Variants in FGGY observed in about 807,000 individuals in gnomAD.
FGGY encodes the protein FGGY carbohydrate kinase domain-containing protein.
In FGGY, 72 loss-of-function variants were observed where a neutral mutation model predicts 71.3. The observed-to-expected ratio is 1.01, with a 90% CI of 0.84 to 1.23. The LOEUF (loss-of-function observed/expected upper bound fraction) is 1.23, where lower values mean the gene tolerates loss of function less well. Among genes scored for constraint, FGGY ranks in the 50% most tolerant of loss-of-function variants. The pLI, the probability that FGGY is intolerant of heterozygous loss-of-function variation, is 0.00. For missense variants in FGGY, 668 were observed against 682.3 expected, an observed-to-expected ratio of 0.98 and a Z score of 0.23; for synonymous variants, 251 against 250.3, an observed-to-expected ratio of 1.00 and a Z score of -0.02.
rs576130435 is a variant in FGGY, at chr1:59,425,423, T to C, written c.555-31538T>C. Among the ~76,000 whole-genome samples the C allele has an allele frequency of 5.8e-4, 89 of 152,274 alleles. 1 individual carries two copies. The highest frequency in any genetic ancestry group is 2.0e-3 in the African/African-American group (84 of 41,556). ...ATATTTGCCCCCAAATTGTCTGATA[T>C]ATAGATCTCGCCCTTCCCATTACAC... On this transcript the variant is annotated intron_variant, in intron 5 of 15. Transcript: ENST00000303721.
In FGGY at chr1:59,762,672, A is replaced by G; in HGVS notation, c.*88A>G. 3 of 934,414 alleles carry G rather than the reference A, an allele frequency of 3.2e-6. No individual in the cohort carries two copies. The highest frequency in any genetic ancestry group is 1.7e-5 in the African/African-American group (1 of 60,464). 57.9% of individuals were successfully genotyped at this position (934,414 alleles called of 1,614,324 possible). ...GATCCATGTTCAAGACCCTTGAGGT[A>G]TTGTTTCATCATTTCTGTATTGTCT... On this transcript the variant is annotated 3_prime_UTR_variant, in exon 16 of 16. Transcript: ENST00000303721.
At chr1:59,526,683 C>T (rs539994343) in intron 7 of FGGY, among the ~76,000 whole-genome samples, 7 of 152,306 alleles carry the variant, frequency 4.6e-5, no homozygotes, top group Non-Finnish European at 1.0e-4. Flanking sequence ...GGCTCAGGGA[C>T]GTTAAAATGC....
intron 1 of FGGY, among the ~76,000 whole-genome samples, chr1:59,308,812 A>T (rs903887869): frequency 2.0e-5 from 3 of 151,362 alleles, no homozygotes; most frequent in Non-Finnish European, 2.9e-5. Flanking sequence ...ATTCTTTATT[A>T]AAAAATAATA....
At chr1:59,396,088 A>G (rs988620594) in intron 5 of FGGY, among the ~76,000 whole-genome samples, 3 of 152,090 alleles carry the variant, frequency 2.0e-5, no homozygotes, top group Admixed American at 6.6e-5. Flanking sequence ...CTCCCACCCT[A>G]CTCAATCAGA....
At chr1:59,595,553 G>A (rs1446556435) in intron 8 of FGGY, among the ~76,000 whole-genome samples, 1 of 152,106 alleles carries the variant, frequency 6.6e-6, no homozygotes. Context: ...AGCCGGGCTT[G>A]GTGGTGAGCA....
At position 59,757,946 on chromosome 1, in the gene FGGY, A is replaced by G. The variant is rs1488420997; in HGVS notation, c.1528A>G (p.Met510Val). 2 of 1,613,374 alleles carry G rather than the reference A, an allele frequency of 1.2e-6. No homozygotes were observed. The highest frequency in any genetic ancestry group is 8.5e-7 in the Non-Finnish European group (1 of 1,179,620). Residue 510 changes from methionine to valine, a missense_variant, in exon 15 of 16, where the codon ATG (methionine) becomes GTG (valine). Physicochemically the swap from Met to Val is conservative, Grantham distance 21. Transcript: ENST00000303721. ...CATTTAATAGGAAGCAATGGCAAAA[A>G]TGAGCAAAGTTGGGAAAGTTGTGTT... Reference protein sequence around the residue: ...FASVQEAMAKMSKVGKVVFPR... With the variant: ...FASVQEAMAKVSKVGKVVFPR...
chr1:59,364,053 AGAT>A (rs1381990314), intron 4 of FGGY, among the ~76,000 whole-genome samples: 3 of 152,156 alleles, frequency 2.0e-5, no homozygotes, highest in Non-Finnish European at 2.9e-5. Context: ...TACGGGTTGG[AGAT>A]GATTAAGTTT....
At chr1:59,512,691 T>C (rs2094547122) in intron 7 of FGGY, among the ~76,000 whole-genome samples, 1 of 152,238 alleles carries the variant, frequency 6.6e-6, no homozygotes, top group Admixed American at 6.5e-5. Context: ...TTGAATAACT[T>C]TCTGCATAGT....
rs555897575 is a variant in FGGY at position 59,744,786 on chromosome 1, A to T, written c.1513-13145A>T. Reference sequence around the variant, plus strand: ...TATTTATTACATTTTTGCATTATTTATATCAATTTTGGGGAATACAGAGAA... The same window carrying T: ...TATTTATTACATTTTTGCATTATTTTTATCAATTTTGGGGAATACAGAGAA... On this transcript the variant is annotated intron_variant, in intron 14 of 15. Coordinates refer to ENST00000303721, the MANE Select transcript of FGGY (RefSeq NM_018291.5). Among the ~76,000 whole-genome samples, 38 of 152,338 alleles carry T rather than the reference A, an allele frequency of 2.5e-4. 1 individual carries two copies. The highest frequency in any genetic ancestry group is 1.4e-3 in the South Asian group (7 of 4,832).
chr1:59,592,298 A>G (rs1381092224), intron 8 of FGGY, among the ~76,000 whole-genome samples: 1 of 152,128 alleles, frequency 6.6e-6, no homozygotes, highest in East Asian at 1.9e-4. Flanking sequence ...GGTGCTGGAG[A>G]GGATGTGGAG....
chr1:59,352,451 G>A (rs978345269), intron 4 of FGGY, among the ~76,000 whole-genome samples: 2 of 152,186 alleles, frequency 1.3e-5, no homozygotes, highest in African/African-American at 4.8e-5. Context: ...GGAACCAACT[G>A]TCTGGAATGT....
chr1:59,565,907 G>A (rs1191432077), intron 8 of FGGY, among the ~76,000 whole-genome samples: 1 of 152,092 alleles, frequency 6.6e-6, no homozygotes, highest in Non-Finnish European at 1.5e-5. Flanking sequence ...TCATCCCCTG[G>A]GAAGAGAGTA....
At chr1:59,350,563 C>G (rs1453755067) in intron 4 of FGGY, among the ~76,000 whole-genome samples, 1 of 152,066 alleles carries the variant, frequency 6.6e-6, no homozygotes, top group Non-Finnish European at 1.5e-5. Flanking sequence ...GGTGCTTCAG[C>G]AAGCATAGCA....
chr1:59,748,868 G>A (rs1006250816), intron 14 of FGGY, among the ~76,000 whole-genome samples: 1 of 152,150 alleles, frequency 6.6e-6, no homozygotes, highest in African/African-American at 2.4e-5. Context: ...CGTAGCATCA[G>A]GATGGGGGCT....
chr1:59,672,935 T>G (rs1238275217), intron 13 of FGGY, among the ~76,000 whole-genome samples: 1 of 152,184 alleles, frequency 6.6e-6, no homozygotes, highest in East Asian at 1.9e-4. Flanking sequence ...CATTGGCATA[T>G]GGAGGGCTCC....
intron 14 of FGGY, among the ~76,000 whole-genome samples, chr1:59,684,823 G>C (rs527571032): frequency 1.6e-3 from 243 of 152,272 alleles, no homozygotes; most frequent in African/African-American, 5.5e-3. Flanking sequence ...TAATTTCTCT[G>C]ATCTCAGTTC....
Position 59,334,855 on chromosome 1 carries a change from AAAAT to A in FGGY, c.202-5099_202-5096del, listed in dbSNP as rs2049167655. Among the ~76,000 whole-genome samples the A allele has an allele frequency of 2.0e-5, 3 of 152,226 alleles. No homozygotes were observed. The South Asian group carries it at 6.2e-4, about 32-fold the overall frequency. On this transcript the variant is annotated intron_variant, in intron 2 of 15. Transcript: ENST00000303721. ...TTCTATAAAGGAAACCATAGAAACA[AAAAT>A]AAAAAATAGAATTAATCGATAAATC...
At chr1:59,493,721 A>G (rs899029685) in intron 6 of FGGY, among the ~76,000 whole-genome samples, 1 of 152,190 alleles carries the variant, frequency 6.6e-6, no homozygotes, top group African/African-American at 2.4e-5. Context: ...GGTGGTTGTA[A>G]TGATTTCATG....
intron 6 of FGGY, among the ~76,000 whole-genome samples, chr1:59,462,451 G>A (rs2092311496): frequency 6.6e-6 from 1 of 152,080 alleles, no homozygotes; most frequent in South Asian, 2.1e-4. Flanking sequence ...AGCCAAAATT[G>A]ACAAATGGGA....
Sources: allele counts gnomAD v4.1 joint callset (sites outside exome capture counted in the v4.1 genomes callset), GRCh38; gene constraint gnomAD v4.1.1; transcripts MANE v1.5; gene names NCBI Gene and HGNC (gene_info 2026-07-23, HGNC 2026-07-21).